The following HTT variants were observed in gnomAD, a reference collection of about 807,000 sequenced individuals.
HTT encodes huntington disease protein.
Under a neutral mutation model 362.3 loss-of-function variants are expected in HTT, and 104 were observed. The observed-to-expected ratio is 0.29, with a 90% CI of 0.24 to 0.34. HTT has a LOEUF of 0.34. Among genes scored for constraint, HTT ranks in the 10% least tolerant of loss-of-function variants. HTT has a pLI of 1.00. For missense variants in HTT, 3,301 were observed against 3,928.6 expected (o/e 0.84, Z 4.27); for synonymous variants, 1,577 against 1,548.7 (o/e 1.02, Z -0.43).
At chr4:3,238,692 G>A in intron 65 of HTT, 83 bp downstream of exon 65, 1 of 1,487,022 alleles carries the variant, frequency 6.7e-7, no homozygotes, top group Non-Finnish European at 9.2e-7. Context: ...TTCGCCAGCA[G>A]AGCCCAGCTC....
intron 38 of HTT, among the ~76,000 whole-genome samples, chr4:3,187,019 C>T (rs746342835): frequency 5.3e-5 from 8 of 151,480 alleles, no homozygotes; most frequent in East Asian, 1.9e-4. Flanking sequence ...CCACCACGCC[C>T]GGCTAATTTT....
chr4:3,204,235 G>A (rs1000560796), intron 42 of HTT, 87 bp downstream of exon 42: 34 of 1,416,722 alleles, frequency 2.4e-5, no homozygotes, highest in Middle Eastern at 4.5e-4. Context: ...TGGACCCTCT[G>A]GAACCCAGAC....
At chr4:3,155,025 G>T (rs1717074078) in intron 27 of HTT, among the ~76,000 whole-genome samples, 1 of 131,400 alleles carries the variant, frequency 7.6e-6, no homozygotes. Context: ...CAGTGGCAGG[G>T]GCAGGAGAGG....
intron 29 of HTT, among the ~76,000 whole-genome samples, chr4:3,169,866 G>C (rs1233818152): frequency 6.6e-6 from 1 of 152,228 alleles, no homozygotes; most frequent in African/African-American, 2.4e-5. Flanking sequence ...GAGCCACCGT[G>C]TCTGGCCCCT....
chr4:3,155,254 C>G (rs1717084390), intron 27 of HTT, among the ~76,000 whole-genome samples: 1 of 151,826 alleles, frequency 6.6e-6, no homozygotes, highest in African/African-American at 2.4e-5. Context: ...CAGAGTCTCA[C>G]TCTGTCACCC....
intron 60 of HTT, among the ~76,000 whole-genome samples, chr4:3,232,119 G>A (rs922299306): frequency 6.6e-6 from 1 of 152,164 alleles, no homozygotes; most frequent in African/African-American, 2.4e-5. Flanking sequence ...GGGGCCGTAC[G>A]CAGTCCTTAG....
rs758329014 is a variant in HTT, at chr4:3,239,841, A to G, written c.9216-5A>G. On this transcript the variant is annotated splice_polypyrimidine_tract_variant and splice_region_variant and intron_variant, in intron 66 of 66. Coordinates refer to ENST00000355072, the MANE Select transcript of HTT (RefSeq NM_001388492.1). ...GCCGGCCTTTTTCCTTAACTCCTGC[A>G]CCAGCCTCCCACATGTCATCAGCAG... 1.3e-6 allele frequency: 2 copies of G among 1,552,832 alleles called. No homozygotes were observed. The highest frequency in any genetic ancestry group is 1.2e-5 in the South Asian group (1 of 84,148).
intron 3 of HTT, among the ~76,000 whole-genome samples, chr4:3,103,561 T>G (rs983016545): frequency 6.6e-6 from 1 of 152,204 alleles, no homozygotes; most frequent in Non-Finnish European, 1.5e-5. Context: ...ACCATTTTAA[T>G]TTTGATGTTA....
rs778036966 is a variant in HTT, at chr4:3,129,904, G to GC, written c.1744-14dup. The GC allele has an allele frequency of 2.5e-6, 4 of 1,613,648 alleles. No homozygotes were observed. The highest frequency in any genetic ancestry group is 2.2e-5 in the South Asian group (2 of 91,058). ...GTGATCACACTTCAAAATTCTCACA[G>GC]CCCCCCTTGAACCGTTTAGGTGTTA... On this transcript the variant is annotated intron_variant, in intron 12 of 66. Coordinates refer to ENST00000355072, the MANE Select transcript of HTT (RefSeq NM_001388492.1).
rs751408145 is a variant in HTT, at chr4:3,115,411, A to G, written c.855A>G (p.Gln285=). The change falls in exon 7 of 67, where the codon CAA becomes CAG. Residue 285 remains glutamine (Q), a synonymous_variant. Transcript: ENST00000355072. The stretch of plus-strand genomic sequence containing the variant: ...TCTGCCAGCACTCAAGAAGGACACA[A>G]TATTTCTATAGTTGGCTACTAAATG... ...VSICQHSRRT[Q]YFYSWLLNVL... 1.1e-5 allele frequency: 17 copies of G among 1,613,770 alleles called. No individual in the cohort carries two copies. The East Asian group carries it at 3.1e-4, about 30-fold the overall frequency.
chr4:3,207,126 T>TGA, intron 44 of HTT, 143 bp downstream of exon 44: 2 of 1,046,012 alleles, frequency 1.9e-6, no homozygotes, highest in Non-Finnish European at 2.8e-6. Flanking sequence ...AACTTGCCGT[T>TGA]ACTCGTGTGT....
intron 21 of HTT, among the ~76,000 whole-genome samples, chr4:3,137,387 A>C (rs61792513): frequency 6.6e-6 from 1 of 151,888 alleles, no homozygotes; most frequent in Non-Finnish European, 1.5e-5. Context: ...CTAGGCAGCC[A>C]CTCATCTATT....
chr4:3,187,069 C>T (rs2110247508), intron 38 of HTT, among the ~76,000 whole-genome samples: 1 of 151,512 alleles, frequency 6.6e-6, no homozygotes, highest in Non-Finnish European at 1.5e-5. Flanking sequence ...CCGTGTTAGC[C>T]AGGATGGTCT....
intron 56 of HTT, 45 bp downstream of exon 56, chr4:3,224,176 G>A (rs375200584): frequency 2.2e-5 from 36 of 1,603,536 alleles, no homozygotes; most frequent in Non-Finnish European, 3.1e-5. Context: ...ACTTGGGCTA[G>A]AATGAGAGAA....
chr4:3,154,028 G>A (rs1717026937), intron 26 of HTT, among the ~76,000 whole-genome samples: 3 of 152,180 alleles, frequency 2.0e-5, no homozygotes, highest in Admixed American at 6.5e-5. Flanking sequence ...GGCTCCCTGA[G>A]GGCTCCTTCC....
At chr4:3,124,237 G>A (rs747892359) in intron 10 of HTT, among the ~76,000 whole-genome samples, 24 of 152,216 alleles carry the variant, frequency 1.6e-4, no homozygotes, top group Admixed American at 1.6e-3. Flanking sequence ...GCTGACACTT[G>A]TTTGTTTCTT....
At chr4:3,125,100 A>G (rs1715462548) in intron 10 of HTT, among the ~76,000 whole-genome samples, 1 of 152,206 alleles carries the variant, frequency 6.6e-6, no homozygotes, top group Admixed American at 6.5e-5. Context: ...AAATTAAAAG[A>G]TAATAAAATG....
Position 3,074,932 on chromosome 4 carries a change from A to AGCAGCAGCAGCG in HTT, c.110_111insGCAGCAGCGGCA (p.Gln38_Pro39insGlnArgGlnGln). 7.8e-7 allele frequency: 1 copy of AGCAGCAGCAGCG among 1,277,748 alleles called. No homozygotes were observed. The highest frequency in any genetic ancestry group is 2.5e-5 in the Admixed American group (1 of 40,056). 79.2% of individuals were successfully genotyped at this position (1,277,748 alleles called of 1,614,324 possible). A position where few individuals can be genotyped will look rare whatever the true frequency, so the allele number is the denominator to read the frequency against. On this transcript the variant is annotated inframe_insertion, in exon 1 of 67. Coordinates refer to ENST00000355072, the MANE Select transcript of HTT (RefSeq NM_001388492.1). ...CAGCAGCAGCAGCAGCAGCAGCAGC[A>AGCAGCAGCAGCG]GCAACAGCCGCCACCGCCGCCGCCG...
rs1433999709 is a variant in HTT, at chr4:3,083,528, TATACACACACACAC to T, written c.264-3409_264-3396del. On this transcript the variant is annotated intron_variant, in intron 1 of 66. Coordinates refer to ENST00000355072, the MANE Select transcript of HTT (RefSeq NM_001388492.1). ...AAGAGAGTGAGACCCTGTCTCTAAA[TATACACACACACAC>T]ACACACACACACACACACACACACA... 5.4e-4 allele frequency among the ~76,000 whole-genome samples: 45 copies of T among 83,924 alleles called. 1 individual carries two copies. Among genetic ancestry groups the T allele is most frequent in the African/African-American group, 9.3e-4 (12 of 12,882 alleles). 55.1% of individuals were successfully genotyped at this position (83,924 alleles called of 152,430 possible).
Sources: allele counts gnomAD v4.1 joint callset (sites outside exome capture counted in the v4.1 genomes callset), GRCh38; gene constraint gnomAD v4.1.1; transcripts MANE v1.5; gene names NCBI Gene and HGNC (gene_info 2026-07-23, HGNC 2026-07-21).